Variants in RYR3 observed in about 807,000 individuals in gnomAD.
RYR3 encodes the protein ryanodine receptor 3.
A neutral mutation model predicts 584.3 loss-of-function variants in RYR3; 207 were observed. That is an observed-to-expected ratio of 0.35 (90% confidence interval 0.32 to 0.40). The LOEUF (loss-of-function observed/expected upper bound fraction) is 0.40. Among genes scored for constraint, RYR3 ranks in the 10% least tolerant of loss-of-function variants. RYR3 has a pLI of 1.00. For synonymous variants in RYR3, 2,416 were observed against 2,248.5 expected (o/e 1.07, Z -2.11); for missense variants, 5,616 against 6,089.2 (o/e 0.92, Z 2.59).
At chr15:33,842,992 T>C (rs1329642810) in intron 91 of RYR3, among the ~76,000 whole-genome samples, 5 of 152,112 alleles carry the variant, frequency 3.3e-5, no homozygotes, top group Admixed American at 2.0e-4. Context: ...TCCATGTTCA[T>C]GACACGACAC....
Position 33,825,736 on chromosome 15 carries a change from TTTTTTTTTTTC to T in RYR3, c.11146+61_11146+71del, listed in dbSNP as rs2152964022. On this transcript the variant is annotated intron_variant, in intron 82 of 103. Coordinates refer to ENST00000634891, the MANE Select transcript of RYR3 (RefSeq NM_001036.6). ...CCTGATTAAAATCTTTTTTTTTTTT[TTTTTTTTTTTC>T]CCCATACAGAGTTTCGCTCTTGTTG... 65 of 787,364 alleles carry T rather than the reference TTTTTTTTTTTC, an allele frequency of 8.3e-5. No individual in the cohort carries two copies. The East Asian group carries it at 1.4e-3, about 17-fold the overall frequency. 48.8% of individuals were successfully genotyped at this position (787,364 alleles called of 1,614,324 possible). A position where few individuals can be genotyped will look rare whatever the true frequency, so the allele number is the denominator to read the frequency against.
In RYR3 at chr15:33,533,423, C is replaced by T. The variant is rs373202294; in HGVS notation, c.433+34C>T. 3.9e-4 allele frequency: 585 copies of T among 1,493,996 alleles called. 1 individual carries two copies. The Middle Eastern group carries it at 6.8e-3, about 17-fold the overall frequency. 92.5% of individuals were successfully genotyped at this position (1,493,996 alleles called of 1,614,324 possible). On this transcript the variant is annotated intron_variant, in intron 5 of 103. Transcript: ENST00000634891. ...GCATTCCCAGATCTCTTGAGCTCAGCGGGGGTCTTGGGCTAAGGGGCTTTT... is the reference window on the plus strand; with the variant it reads ...GCATTCCCAGATCTCTTGAGCTCAGTGGGGGTCTTGGGCTAAGGGGCTTTT...
chr15:33,748,303 C>A (rs760510936), intron 54 of RYR3, 43 bp downstream of exon 54: 2 of 1,604,902 alleles, frequency 1.2e-6, no homozygotes, highest in Non-Finnish European at 1.7e-6. Context: ...CCGATGGAAG[C>A]CATGGAGAAT....
chr15:33,538,583 A>G (rs550612383), intron 5 of RYR3, among the ~76,000 whole-genome samples: 3 of 152,164 alleles, frequency 2.0e-5, no homozygotes, highest in Admixed American at 2.0e-4. Flanking sequence ...GGAGGAGGAG[A>G]GGTCTTCTGG....
At chr15:33,510,248 C>T (rs572374331) in intron 3 of RYR3, among the ~76,000 whole-genome samples, 5 of 152,286 alleles carry the variant, frequency 3.3e-5, no homozygotes, top group African/African-American at 1.2e-4. Context: ...TAACTTCAAG[C>T]AAATATCTTA....
At position 33,311,132 on chromosome 15, in the gene RYR3, G is replaced by T; in HGVS notation, c.51+36G>T. ...GCGGCGGGGGCGAGGCCGTGGGCAG[G>T]TGGGGAGGAGCGCGGAGCGCGGCGA... On this transcript the variant is annotated intron_variant, in intron 1 of 103. Transcript: ENST00000634891. This position sits in a 1 kb window ranked among gnomAD's most constrained non-coding sequence, Gnocchi z 4.4. 1 of 1,510,842 alleles carries T rather than the reference G, an allele frequency of 6.6e-7. No homozygotes were observed. The highest frequency in any genetic ancestry group is 8.9e-7 in the Non-Finnish European group (1 of 1,120,220). 93.6% of individuals were successfully genotyped at this position (1,510,842 alleles called of 1,614,324 possible). A position where few individuals can be genotyped will look rare whatever the true frequency, so the allele number is the denominator to read the frequency against.
chr15:33,321,936 G>A (rs1044344594), intron 1 of RYR3, among the ~76,000 whole-genome samples: 2 of 152,190 alleles, frequency 1.3e-5, no homozygotes, highest in Non-Finnish European at 2.9e-5. Flanking sequence ...AATTCACAGA[G>A]AAGGGGTCAG....
intron 67 of RYR3, among the ~76,000 whole-genome samples, chr15:33,794,132 T>TAA (rs1177443808): frequency 0.047 from 4,852 of 103,888 alleles, 136 homozygotes; most frequent in East Asian, 0.12. Flanking sequence ...TATATATTTA[T>TAA]ATATAATATA....
chr15:33,697,973 G>A lies in RYR3; in HGVS notation c.6226G>A (p.Val2076Met), dbSNP rs760123258. The A allele has an allele frequency of 5.0e-6, 8 of 1,612,904 alleles. No individual in the cohort carries two copies. The highest frequency in any genetic ancestry group is 1.1e-5 in the South Asian group (1 of 91,054). The change falls in exon 40 of 104, where the codon GTG becomes ATG. Residue 2076 changes from valine (V) to methionine (M), a missense_variant. This residue lies in a region of RYR3 where 1,280 missense variants were observed against 1,426.2 expected (regional missense o/e 0.90). Coordinates refer to ENST00000634891, the MANE Select transcript of RYR3 (RefSeq NM_001036.6). ...HETVMEVMVN[V>M]LGTEKSQIAF... ...GACGGTGATGGAGGTGATGGTGAACGTGTTGGGTACAGAGAAATCTCAGGT... is the reference window on the plus strand; with the variant it reads ...GACGGTGATGGAGGTGATGGTGAACATGTTGGGTACAGAGAAATCTCAGGT...
chr15:33,600,011 C>T (rs926747316), intron 16 of RYR3, among the ~76,000 whole-genome samples: 5 of 152,070 alleles, frequency 3.3e-5, no homozygotes, highest in African/African-American at 9.7e-5. Context: ...TGTAATAGGC[C>T]GACTGAAAAG....
At chr15:33,831,171 T>C in intron 86 of RYR3, 80 bp downstream of exon 86, 3 of 1,363,704 alleles carry the variant, frequency 2.2e-6, no homozygotes, top group South Asian at 2.6e-5. Flanking sequence ...TACAGAATAC[T>C]TGATTGTACA....
chr15:33,399,577 GC>G (rs1341587836), intron 1 of RYR3, among the ~76,000 whole-genome samples: 1 of 152,162 alleles, frequency 6.6e-6, no homozygotes, highest in Non-Finnish European at 1.5e-5. Context: ...AGCGGAGGTA[GC>G]AGTGAGCCGA....
At chr15:33,378,961 T>C (rs2040954052) in intron 1 of RYR3, among the ~76,000 whole-genome samples, 1 of 150,490 alleles carries the variant, frequency 6.6e-6, no homozygotes, top group Non-Finnish European at 1.5e-5. Context: ...TGAGACCTCA[T>C]CTCAAAAAAA....
At chr15:33,658,671 G>A (rs1387116822) in intron 32 of RYR3, among the ~76,000 whole-genome samples, 1 of 152,232 alleles carries the variant, frequency 6.6e-6, no homozygotes, top group East Asian at 1.9e-4. Context: ...TGTGTGAGCA[G>A]ACTTTATGTA....
chr15:33,435,409 A>G (rs1205163797), intron 1 of RYR3, among the ~76,000 whole-genome samples: 2 of 152,152 alleles, frequency 1.3e-5, no homozygotes, highest in Non-Finnish European at 2.9e-5. Context: ...CAGTGTATAC[A>G]TTTATCATTA....
At chr15:33,461,994 G>GA (rs368383518) in intron 1 of RYR3, among the ~76,000 whole-genome samples, 1 of 151,574 alleles carries the variant, frequency 6.6e-6, no homozygotes, top group African/African-American at 2.4e-5. Context: ...AATGGAGCTG[G>GA]AAAAAAAACC....
intron 1 of RYR3, among the ~76,000 whole-genome samples, chr15:33,423,608 C>T (rs181583227): frequency 2.0e-5 from 3 of 152,150 alleles, no homozygotes; most frequent in Non-Finnish European, 4.4e-5. Context: ...CAGCAATGTA[C>T]GAGGATTCTG....
chr15:33,807,279 G>A (rs1255068884), intron 69 of RYR3, among the ~76,000 whole-genome samples: 1 of 152,134 alleles, frequency 6.6e-6, no homozygotes, highest in Non-Finnish European at 1.5e-5. Context: ...GACCAGCCTG[G>A]GTCGGGTCTG....
intron 17 of RYR3, 139 bp from the exon 18 acceptor site, chr15:33,602,984 C>A: frequency 1.1e-6 from 1 of 875,518 alleles, no homozygotes; most frequent in East Asian, 2.5e-5. Flanking sequence ...AGATCCCTCC[C>A]ATCTTTTGAG....
Sources: allele counts gnomAD v4.1 joint callset (sites outside exome capture counted in the v4.1 genomes callset), GRCh38; gene constraint gnomAD v4.1.1; regional missense constraint gnomAD v4.1.1; non-coding constraint Gnocchi (gnomAD v3.1); transcripts MANE v1.5; gene names NCBI Gene and HGNC (gene_info 2026-07-23, HGNC 2026-07-21).